The following LHFPL3 variants were observed in gnomAD, a reference collection of about 807,000 sequenced individuals.
LHFPL3 encodes LHFPL tetraspan subfamily member 3.
A neutral mutation model predicts 19.3 loss-of-function variants in LHFPL3; 5 were observed. That is an observed-to-expected ratio of 0.26 (90% CI 0.14 to 0.54). LHFPL3 has a LOEUF of 0.54. Among genes scored for constraint, LHFPL3 ranks in the 20% least tolerant of loss-of-function variants. LHFPL3 has a pLI of 0.94. For missense variants in LHFPL3, 249 were observed against 307.4 expected, an observed-to-expected ratio of 0.81 and a Z score of 1.42; for synonymous variants, 133 against 126.2, an observed-to-expected ratio of 1.05 and a Z score of -0.36.
At chr7:104,393,119 C>A (rs1791111430) in intron 1 of LHFPL3, among the ~76,000 whole-genome samples, 1 of 152,030 alleles carries the variant, frequency 6.6e-6, no homozygotes, top group Non-Finnish European at 1.5e-5. Flanking sequence ...AATGAGATAC[C>A]ACTTCATACC....
intron 2 of LHFPL3, among the ~76,000 whole-genome samples, chr7:104,840,274 T>C (rs1791171651): frequency 6.7e-6 from 1 of 150,054 alleles, no homozygotes; most frequent in Non-Finnish European, 1.5e-5. Context: ...TTGAAGATTC[T>C]CATTTCTTTT....
intron 1 of LHFPL3, among the ~76,000 whole-genome samples, chr7:104,373,616 C>T (rs1020906623): frequency 6.7e-6 from 1 of 149,632 alleles, no homozygotes; most frequent in African/African-American, 2.5e-5. Flanking sequence ...TTTAGGAAGC[C>T]GTGAGACAAC....
At chr7:104,822,320 G>A (rs576747066) in intron 2 of LHFPL3, among the ~76,000 whole-genome samples, 5 of 152,258 alleles carry the variant, frequency 3.3e-5, no homozygotes, top group Admixed American at 1.3e-4. Context: ...TATTTAATGA[G>A]GAAATACTAA....
chr7:104,519,539 G>A (rs1437004827), intron 1 of LHFPL3, among the ~76,000 whole-genome samples: 1 of 152,022 alleles, frequency 6.6e-6, no homozygotes, highest in Admixed American at 6.6e-5. Context: ...GGGAGAAGAA[G>A]GGAAACTGGC....
At chr7:104,876,577 T>C (rs530677578) in intron 2 of LHFPL3, among the ~76,000 whole-genome samples, 1,518 of 151,356 alleles carry the variant, frequency 0.01, 28 homozygotes, top group African/African-American at 0.034. Flanking sequence ...CACAATGAGA[T>C]ACCATCTCAC....
intron 2 of LHFPL3, among the ~76,000 whole-genome samples, chr7:104,843,996 C>T (rs1490008373): frequency 6.6e-6 from 1 of 152,172 alleles, no homozygotes; most frequent in Non-Finnish European, 1.5e-5. Context: ...TGCTGACCAA[C>T]CAGGGACTCA....
chr7:104,902,939 T>C (rs946988242), intron 2 of LHFPL3, among the ~76,000 whole-genome samples: 3 of 152,152 alleles, frequency 2.0e-5, no homozygotes, highest in African/African-American at 7.2e-5. Flanking sequence ...GCCCAGATGA[T>C]GAAGGAGAAA....
intron 1 of LHFPL3, among the ~76,000 whole-genome samples, chr7:104,656,257 T>C (rs1792119557): frequency 6.6e-6 from 1 of 152,082 alleles, no homozygotes; most frequent in East Asian, 1.9e-4. Flanking sequence ...TTTTTCATGA[T>C]TGCTAAGTAC....
intron 1 of LHFPL3, among the ~76,000 whole-genome samples, chr7:104,584,043 G>C (rs563658325): frequency 5.0e-4 from 76 of 152,160 alleles, no homozygotes; most frequent in Middle Eastern, 3.4e-3. Context: ...CAATAGCAAA[G>C]ACTTGGAACC....
chr7:104,821,338 T>A (rs1790673036), intron 2 of LHFPL3, among the ~76,000 whole-genome samples: 1 of 152,198 alleles, frequency 6.6e-6, no homozygotes, highest in African/African-American at 2.4e-5. Context: ...AGGGGCTGTG[T>A]CTGCCTCTGC....
At chr7:104,774,763 C>T (rs1423767947) in intron 2 of LHFPL3, among the ~76,000 whole-genome samples, 5 of 152,158 alleles carry the variant, frequency 3.3e-5, no homozygotes, top group South Asian at 2.1e-4. Flanking sequence ...TCTTTCTGAT[C>T]ATGTTCCTTT....
At chr7:104,655,190 T>C (rs1792099830) in intron 1 of LHFPL3, among the ~76,000 whole-genome samples, 1 of 152,220 alleles carries the variant, frequency 6.6e-6, no homozygotes, top group Non-Finnish European at 1.5e-5. Context: ...ATGTCTTTTA[T>C]TTTTCACTCC....
rs7787701 is a variant in LHFPL3, at chr7:104,775,582, T to C, written c.682+38671T>C. On this transcript the variant is annotated intron_variant, in intron 2 of 2. Coordinates refer to ENST00000424859, the MANE Select transcript of LHFPL3 (RefSeq NM_199000.3). ...AATTAGGGGCCAGATGGAGAAACACTATAGAGAATATGGAAATCATTTGTA... is the reference window on the plus strand; with the variant it reads ...AATTAGGGGCCAGATGGAGAAACACCATAGAGAATATGGAAATCATTTGTA... Among the ~76,000 whole-genome samples the C allele has an allele frequency of 5.2e-3, 787 of 152,228 alleles. 4 individuals carry two copies. Among genetic ancestry groups the C allele is most frequent in the African/African-American group, 0.018 (742 of 41,516 alleles).
intron 2 of LHFPL3, among the ~76,000 whole-genome samples, chr7:104,884,055 C>T (rs552376820): frequency 3.9e-5 from 6 of 152,096 alleles, no homozygotes; most frequent in Non-Finnish European, 8.8e-5. Context: ...TTTACAGCCT[C>T]TGTAATCCCC....
chr7:104,455,399 G>A (rs963124881), intron 1 of LHFPL3, among the ~76,000 whole-genome samples: 8 of 152,224 alleles, frequency 5.3e-5, no homozygotes, highest in South Asian at 4.2e-4. Context: ...TAAAAACAGG[G>A]ACTTAGACTT....
intron 1 of LHFPL3, among the ~76,000 whole-genome samples, chr7:104,560,043 G>C (rs2115942913): frequency 6.7e-6 from 1 of 148,298 alleles, no homozygotes; most frequent in African/African-American, 2.5e-5. Flanking sequence ...CTTGATCATG[G>C]TGGATAAGCT....
Position 104,619,874 on chromosome 7 carries a change from G to T in LHFPL3, c.446-116801G>T, listed in dbSNP as rs897417750. Among the ~76,000 whole-genome samples the T allele has an allele frequency of 2.0e-5, 3 of 152,040 alleles. No individual in the cohort carries two copies. The East Asian group carries it at 5.8e-4, about 29-fold the overall frequency. On this transcript the variant is annotated intron_variant, in intron 1 of 2. Transcript: ENST00000424859. Reference sequence around the variant, plus strand: ...GATGGGGCAGGTGGGGCAGCAGGGGGCGGGAATGGTTTCGGGATGAACTGT... The same window carrying T: ...GATGGGGCAGGTGGGGCAGCAGGGGTCGGGAATGGTTTCGGGATGAACTGT...
chr7:104,811,754 C>A (rs932649577), intron 2 of LHFPL3, among the ~76,000 whole-genome samples: 4 of 152,132 alleles, frequency 2.6e-5, no homozygotes. Flanking sequence ...TAAATGAATG[C>A]ATATATTAAA....
intron 2 of LHFPL3, among the ~76,000 whole-genome samples, chr7:104,877,838 A>C (rs1229330037): frequency 6.8e-6 from 1 of 147,850 alleles, no homozygotes; most frequent in East Asian, 2.0e-4. Context: ...TTATAGCAGC[A>C]TTTTTTTTTT....
Sources: gnomAD v4.1 joint callset for allele counts (sites outside exome capture counted in the v4.1 genomes callset) on GRCh38, gnomAD v4.1.1 for gene constraint, MANE v1.5 for transcripts, NCBI Gene and HGNC (gene_info 2026-07-23, HGNC 2026-07-21) for gene names.